CEP63: variants seen among roughly 807,000 people sequenced by gnomAD.
The protein encoded by CEP63 is centrosomal protein 63.
Under a neutral mutation model 89.1 loss-of-function variants are expected in CEP63, and 84 were observed. The observed-to-expected ratio is 0.94, with a 90% CI of 0.79 to 1.13. CEP63 has a LOEUF of 1.13. CEP63 is among the 50% of genes most tolerant of loss of function. The pLI is 0.00. For synonymous variants in CEP63, 267 were observed against 272.5 expected (o/e 0.98, Z 0.20); for missense variants, 838 against 813.3 (o/e 1.03, Z -0.37).
At chr3:134,488,175 C>T (rs764834727) in intron 1 of CEP63, 24 of 152,214 alleles carry the variant, frequency 1.6e-4, no homozygotes, top group Non-Finnish European at 2.8e-4. Flanking sequence ...CTCCTAGGGG[C>T]ACGAACCCTA....
chr3:134,496,768 CTCTT>C (rs964733835), intron 2 of CEP63, among the ~76,000 whole-genome samples: 5 of 152,186 alleles, frequency 3.3e-5, no homozygotes, highest in Admixed American at 3.3e-4. Flanking sequence ...GAGATGCAAT[CTCTT>C]TCTAAAATGG....
intron 14 of CEP63, among the ~76,000 whole-genome samples, chr3:134,560,631 C>T (rs1206476576): frequency 6.6e-6 from 1 of 152,154 alleles, no homozygotes; most frequent in Non-Finnish European, 1.5e-5. Flanking sequence ...AGGAGAGTTA[C>T]CACTTCTGAA....
At chr3:134,672,541 C>T in the CEP63 span, among the ~76,000 whole-genome samples, 1 of 152,090 alleles carries the variant, frequency 6.6e-6, no homozygotes, top group African/African-American at 2.4e-5. Context: ...ATAATTATGC[C>T]TCTGAAAAAG....
the CEP63 span, among the ~76,000 whole-genome samples, chr3:134,669,243 A>G: frequency 1.3e-5 from 2 of 152,114 alleles, no homozygotes; most frequent in South Asian, 2.1e-4. Context: ...TTGCTGGCTG[A>G]TTTTAAACTC....
chr3:134,733,776 A>C, the CEP63 span, among the ~76,000 whole-genome samples: 68 of 150,772 alleles, frequency 4.5e-4, no homozygotes, highest in South Asian at 1.0e-3. Context: ...GGCCTTGCCA[A>C]GACCTTGATC....
chr3:134,705,188 T>C, the CEP63 span, among the ~76,000 whole-genome samples: 5 of 152,214 alleles, frequency 3.3e-5, no homozygotes, highest in Non-Finnish European at 5.9e-5. Context: ...AGAGGTTTCT[T>C]AGCTCACAGT....
chr3:134,539,350 T>C (rs1051000039), intron 6 of CEP63, among the ~76,000 whole-genome samples: 4 of 152,216 alleles, frequency 2.6e-5, no homozygotes, highest in Admixed American at 1.3e-4. Flanking sequence ...CTTTTTTATC[T>C]TGTCAAACTG....
the CEP63 span, among the ~76,000 whole-genome samples, chr3:134,729,362 G>T: frequency 1.3e-5 from 2 of 152,138 alleles, no homozygotes; most frequent in Admixed American, 6.5e-5. Flanking sequence ...TATACATACT[G>T]TTTCCCATCT....
chr3:134,711,955 G>C, the CEP63 span, among the ~76,000 whole-genome samples: 1 of 151,890 alleles, frequency 6.6e-6, no homozygotes, highest in Non-Finnish European at 1.5e-5. Flanking sequence ...TAGAGATGGG[G>C]TTTCTCCATG....
the CEP63 span, among the ~76,000 whole-genome samples, chr3:134,779,585 C>T: frequency 6.6e-6 from 1 of 152,200 alleles, no homozygotes; most frequent in Admixed American, 6.5e-5. Context: ...TTCATCTAGA[C>T]TGCATTTCCC....
At chr3:134,764,952 C>G in the CEP63 span, among the ~76,000 whole-genome samples, 4 of 152,148 alleles carry the variant, frequency 2.6e-5, no homozygotes, top group Non-Finnish European at 4.4e-5. Context: ...AATCCTTTAA[C>G]GTTTTCACTC....
At chr3:134,594,539 T>C in the CEP63 span, among the ~76,000 whole-genome samples, 1 of 151,982 alleles carries the variant, frequency 6.6e-6, no homozygotes, top group East Asian at 1.9e-4. Flanking sequence ...ATGCACTGAT[T>C]GTTTCCCAGA....
chr3:134,558,044 A>T, intron 12 of CEP63, 98 bp from the exon 13 acceptor site: 1 of 989,576 alleles, frequency 1.0e-6, no homozygotes, highest in Non-Finnish European at 1.6e-6. Flanking sequence ...TAGATTAACT[A>T]CTTACAACTA....
Position 134,509,357 on chromosome 3 carries a change from G to A in CEP63, c.222+2071G>A, listed in dbSNP as rs115777131. On this transcript the variant is annotated intron_variant, in intron 3 of 14. Transcript: ENST00000675561. ...CACTACAACGAGAACAGCACCAGTG[G>A]GGACATCTGCCCCCATGATCCAGTC... is the stretch of plus-strand genomic sequence containing the variant. 9.6e-3 allele frequency among the ~76,000 whole-genome samples: 1,468 copies of A among 152,226 alleles called. 11 individuals carry two copies. The highest frequency in any genetic ancestry group is 0.014 in the Non-Finnish European group (963 of 68,010).
At chr3:134,778,643 C>T in the CEP63 span, among the ~76,000 whole-genome samples, 1 of 152,194 alleles carries the variant, frequency 6.6e-6, no homozygotes, top group Non-Finnish European at 1.5e-5. Flanking sequence ...ACTGCAAGCT[C>T]TGCCTCCCGG....
In CEP63 at chr3:134,537,019, T is replaced by C. The variant is rs1950893652; in HGVS notation, c.442-136T>C. The C allele has an allele frequency of 1.3e-5, 9 of 711,612 alleles. 1 individual carries two copies. In the Admixed American group the frequency reaches 1.6e-4, roughly 12 times the overall value. 44.1% of individuals were successfully genotyped at this position (711,612 alleles called of 1,614,324 possible). A position where few individuals can be genotyped will look rare whatever the true frequency, so the allele number is the denominator to read the frequency against. ...TCTCCAGCTCTGTTAGCTGAGTGAG[T>C]AATGGGGCTCCCGCTGTGGAGAAAG... On this transcript the variant is annotated intron_variant, in intron 5 of 14. Transcript: ENST00000675561.
chr3:134,705,409 C>G, the CEP63 span, among the ~76,000 whole-genome samples: 13 of 152,190 alleles, frequency 8.5e-5, no homozygotes. Context: ...AGAGCAAGAA[C>G]TCACTACTGC....
chr3:134,505,475 CT>C (rs1266385574), intron 2 of CEP63, among the ~76,000 whole-genome samples: 1 of 152,156 alleles, frequency 6.6e-6, no homozygotes, highest in African/African-American at 2.4e-5. Flanking sequence ...ACCAGGCAGA[CT>C]GGTCATCACG....
At chr3:134,538,514 T>C (rs1449899390) in intron 6 of CEP63, among the ~76,000 whole-genome samples, 3 of 133,512 alleles carry the variant, frequency 2.2e-5, no homozygotes, top group Non-Finnish European at 4.7e-5. Context: ...AGAGACCTAA[T>C]AAGAAATTGT....
Sources: gnomAD v4.1 joint callset for allele counts (sites outside exome capture counted in the v4.1 genomes callset) on GRCh38, gnomAD v4.1.1 for gene constraint, MANE v1.5 for transcripts, NCBI Gene and HGNC (gene_info 2026-07-23, HGNC 2026-07-21) for gene names.